GLT6D1: variants seen among roughly 807,000 people sequenced by gnomAD.
GLT6D1 encodes the protein glycosyltransferase 6 domain containing 1.
GLT6D1 carries 9 observed loss-of-function variants against 12.3 expected under a neutral mutation model. That is an observed-to-expected ratio of 0.73 (90% CI 0.44 to 1.27). The LOEUF (loss-of-function observed/expected upper bound fraction) is 1.27. Ranked by LOEUF, GLT6D1 falls within the 50% of genes most tolerant of loss-of-function variation. The pLI, the probability that GLT6D1 is intolerant of heterozygous loss-of-function variation, is 0.00. For synonymous variants in GLT6D1, 128 were observed against 132.3 expected (o/e 0.97, Z 0.23); for missense variants, 335 against 346.2 (o/e 0.97, Z 0.26).
chr9:135,626,115 T>C lies in GLT6D1; in HGVS notation c.211A>G (p.Arg71Gly), dbSNP rs774953842. The C allele has an allele frequency of 3.1e-6, 5 of 1,614,048 alleles. No homozygotes were observed. In the East Asian group the frequency reaches 1.1e-4, roughly 36 times the overall value. ...AGGCCCACAGTGATATTCCGCCTTCTGTAATGTTTTTCCAGGACCCGCCTG... is the reference window on the plus strand; with the variant it reads ...AGGCCCACAGTGATATTCCGCCTTCCGTAATGTTTTTCCAGGACCCGCCTG... Reference protein sequence around the residue: ...FDRRVLEKHYRRRNITVGLAV... With the variant: ...FDRRVLEKHYGRRNITVGLAV... The change falls in exon 4 of 5, where the codon AGA becomes GGA. Residue 71 changes from arginine to glycine, a missense_variant. Coordinates refer to ENST00000371763, the MANE Select transcript of GLT6D1 (RefSeq NM_182974.3).
chr9:135,626,883 C>T (rs776494787), intron 3 of GLT6D1, among the ~76,000 whole-genome samples: 4 of 152,166 alleles, frequency 2.6e-5, no homozygotes, highest in Non-Finnish European at 4.4e-5. Context: ...ATGTAAACCA[C>T]CATATTGAAA....
intron 3 of GLT6D1, among the ~76,000 whole-genome samples, chr9:135,628,471 T>C (rs1328199535): frequency 3.3e-5 from 5 of 152,094 alleles, no homozygotes; most frequent in Admixed American, 3.3e-4. Flanking sequence ...TTTTATATGT[T>C]GCTGGATTCA....
At chr9:135,631,569 A>C in intron 2 of GLT6D1, 91 bp from the exon 3 acceptor site, 9 of 910,742 alleles carry the variant, frequency 9.9e-6, no homozygotes, top group Non-Finnish European at 1.7e-5. Context: ...GTGTTTCGTC[A>C]ACATGCATCA....
Position 135,626,068 on chromosome 9 carries a change from C to A in GLT6D1, c.257+1G>T. Reference sequence around the variant, plus strand: ...AAAGGGCAAAGGTGAGTGGCACCTACCTGCCAGTAGCAAAGACGGCCAGGC... The same window carrying A: ...AAAGGGCAAAGGTGAGTGGCACCTAACTGCCAGTAGCAAAGACGGCCAGGC... On this transcript the variant is annotated splice_donor_variant, in intron 4 of 4. Transcript: ENST00000371763. LOFTEE classifies it high-confidence loss of function. 6.2e-7 allele frequency: 1 copy of A among 1,613,976 alleles called. No homozygotes were observed. The highest frequency in any genetic ancestry group is 1.7e-4 in the Middle Eastern group (1 of 6,050).
At chr9:135,630,004 G>A (rs1163811968) in intron 3 of GLT6D1, among the ~76,000 whole-genome samples, 3 of 152,074 alleles carry the variant, frequency 2.0e-5, no homozygotes, top group Admixed American at 6.5e-5. Context: ...TCTTGTAGAC[G>A]GCATATAAAT....
intron 2 of GLT6D1, 65 bp from the exon 3 acceptor site, chr9:135,631,543 A>AG (rs1328272643): frequency 2.7e-5 from 34 of 1,239,338 alleles, no homozygotes; most frequent in Non-Finnish European, 3.9e-5. Flanking sequence ...AGCCTGTGAT[A>AG]GGCAGGCCCC....
At chr9:135,631,545 G>T (rs893740378) in intron 2 of GLT6D1, 67 bp from the exon 3 acceptor site, 1 of 1,228,960 alleles carries the variant, frequency 8.1e-7, no homozygotes, top group South Asian at 1.2e-5. Context: ...CCTGTGATAG[G>T]CAGGCCCCGT....
chr9:135,637,376 A>C (rs768163067), intron 2 of GLT6D1, among the ~76,000 whole-genome samples: 6 of 151,206 alleles, frequency 4.0e-5, no homozygotes, highest in South Asian at 2.1e-4. Flanking sequence ...TTGTGTGGAC[A>C]TAAGTGTTTT....
At chr9:135,636,268 C>T (rs142253254) in intron 2 of GLT6D1, among the ~76,000 whole-genome samples, 20 of 152,242 alleles carry the variant, frequency 1.3e-4, no homozygotes, top group African/African-American at 4.1e-4. Context: ...GCAGGAGAAT[C>T]GCTTGAACCA....
intron 2 of GLT6D1, among the ~76,000 whole-genome samples, chr9:135,634,442 C>CTTTAT (rs1833719505): frequency 1.8e-5 from 1 of 54,862 alleles, no homozygotes; most frequent in Non-Finnish European, 3.1e-5. Context: ...TTTTCCTTTC[C>CTTTAT]TTTTTTTTTT....
chr9:135,634,896 G>C (rs955493855), intron 2 of GLT6D1, among the ~76,000 whole-genome samples: 1 of 152,128 alleles, frequency 6.6e-6, no homozygotes, highest in African/African-American at 2.4e-5. Context: ...CTAGGGTTCT[G>C]TTTTCGGGCT....
chr9:135,631,327 C>T (rs1190150352), intron 3 of GLT6D1, 104 bp downstream of exon 3: 15 of 882,322 alleles, frequency 1.7e-5, no homozygotes, highest in Admixed American at 7.2e-5. Context: ...ATTCTGGAAA[C>T]GTCCCAGGAG....
Position 135,624,005 on chromosome 9 carries a change from A to G in GLT6D1, c.*92T>C, listed in dbSNP as rs1475259050. The stretch of plus-strand genomic sequence containing the variant: ...TCATAAACCTCATGGCGTAATTCAT[A>G]ATTTCCTCTGGGAATCATGTGCGAC... On this transcript the variant is annotated 3_prime_UTR_variant, in exon 5 of 5. Coordinates refer to ENST00000371763, the MANE Select transcript of GLT6D1 (RefSeq NM_182974.3). The G allele has an allele frequency of 2.5e-6, 2 of 788,220 alleles. No homozygotes were observed. The highest frequency in any genetic ancestry group is 4.2e-6 in the Non-Finnish European group (2 of 477,054). The allele number at this position is 788,220 out of a possible 1,614,324, so 48.8% of individuals were successfully genotyped here.
intron 3 of GLT6D1, among the ~76,000 whole-genome samples, chr9:135,631,176 C>T (rs562154671): frequency 3.0e-4 from 46 of 152,242 alleles, no homozygotes; most frequent in African/African-American, 8.4e-4. Context: ...AAGCTGGTTC[C>T]GAAGAGACTT....
At chr9:135,636,451 T>C (rs937019673) in intron 2 of GLT6D1, among the ~76,000 whole-genome samples, 1 of 152,186 alleles carries the variant, frequency 6.6e-6, no homozygotes, top group Non-Finnish European at 1.5e-5. Flanking sequence ...TTCTGTACAT[T>C]TGGGATATAG....
At chr9:135,639,224 T>A (rs1442116877) in intron 1 of GLT6D1, 31 bp from the exon 2 acceptor site, 1 of 1,248,172 alleles carries the variant, frequency 8.0e-7, no homozygotes, top group South Asian at 1.3e-5. Flanking sequence ...AATTAGATTT[T>A]AAGCAATAAA....
At chr9:135,634,406 G>A (rs1458481664) in intron 2 of GLT6D1, among the ~76,000 whole-genome samples, 3 of 147,706 alleles carry the variant, frequency 2.0e-5, no homozygotes, top group African/African-American at 5.0e-5. Flanking sequence ...GGAATTACAG[G>A]CGTAAGCCAC....
At chr9:135,626,552 A>G (rs545202807) in intron 3 of GLT6D1, among the ~76,000 whole-genome samples, 1 of 152,320 alleles carries the variant, frequency 6.6e-6, no homozygotes, top group East Asian at 1.9e-4. Flanking sequence ...CTCTGACTAC[A>G]GCTCAAAATT....
intron 2 of GLT6D1, among the ~76,000 whole-genome samples, chr9:135,632,126 C>A (rs542178424): frequency 7.4e-5 from 10 of 134,480 alleles, no homozygotes; most frequent in Non-Finnish European, 1.5e-4. Context: ...TGTTTCATAA[C>A]CCTGGGAGCA....
Sources: allele counts gnomAD v4.1 joint callset (sites outside exome capture counted in the v4.1 genomes callset), GRCh38; gene constraint gnomAD v4.1.1; transcripts MANE v1.5; gene names NCBI Gene and HGNC (gene_info 2026-07-23, HGNC 2026-07-21).